Variants in IFNLR1 observed in about 807,000 individuals in gnomAD.
IFNLR1 encodes the protein interferon lambda receptor 1.
In IFNLR1, 28 loss-of-function variants were observed where a neutral mutation model predicts 52.5. That is an observed-to-expected ratio of 0.53 (90% CI 0.40 to 0.73). IFNLR1 has a LOEUF of 0.73. Ranked by LOEUF, IFNLR1 falls within the 30% of genes least tolerant of loss-of-function variation. The probability of loss-of-function intolerance (pLI) is 0.00; values close to 1 mark genes in which losing one functional copy is unlikely to be tolerated. For missense variants in IFNLR1, 623 were observed against 659.1 expected, an observed-to-expected ratio of 0.95 and a Z score of 0.60; for synonymous variants, 276 against 274.9, an observed-to-expected ratio of 1.00 and a Z score of -0.04.
At chr1:24,172,295 G>T (rs1329661603) in intron 2 of IFNLR1, among the ~76,000 whole-genome samples, 2 of 152,068 alleles carry the variant, frequency 1.3e-5, no homozygotes, top group East Asian at 3.8e-4. Flanking sequence ...AATAAGCTAA[G>T]CAATAAATGA....
In IFNLR1 at chr1:24,161,608, G is replaced by A; in HGVS notation, c.444C>T (p.Pro148=). ...ILSANATYQL[P]PCMPPLDLKY... ...TCAGATCCAGTGGGGGCATGCAGGGGGGCAGCTGGTACGTGGCATTGGCAC... is the reference window on the plus strand; with the variant it reads ...TCAGATCCAGTGGGGGCATGCAGGGAGGCAGCTGGTACGTGGCATTGGCAC... The change falls in exon 4 of 7, where the codon CCC becomes CCT. Residue 148 remains proline (P), a synonymous_variant. Coordinates refer to ENST00000327535, the MANE Select transcript of IFNLR1 (RefSeq NM_170743.4). 1 of 1,554,026 alleles carries A rather than the reference G, an allele frequency of 6.4e-7. No individual in the cohort carries two copies. Among genetic ancestry groups the A allele is most frequent in the Non-Finnish European group, 8.7e-7 (1 of 1,147,702 alleles).
intron 4 of IFNLR1, among the ~76,000 whole-genome samples, chr1:24,160,504 T>G (rs1223608774): frequency 1.3e-5 from 2 of 152,222 alleles, no homozygotes; most frequent in African/African-American, 4.8e-5. Flanking sequence ...CACTTAAAAC[T>G]GCACATGTGG....
intron 3 of IFNLR1, 53 bp downstream of exon 3, chr1:24,169,364 G>C: frequency 6.6e-7 from 1 of 1,523,658 alleles, no homozygotes; most frequent in South Asian, 1.2e-5. Context: ...ACTGAGCACA[G>C]CTCCCCGATG....
rs1009916531 is a variant in IFNLR1, at chr1:24,155,027, A to G, written c.*2103T>C. 6.6e-6 allele frequency: 1 copy of G among 152,262 alleles called. No individual in the cohort carries two copies. Among genetic ancestry groups the G allele is most frequent in the African/African-American group, 2.4e-5 (1 of 41,462 alleles). 9.4% of individuals were successfully genotyped at this position (152,262 alleles called of 1,614,324 possible). On this transcript the variant is annotated 3_prime_UTR_variant, in exon 7 of 7. Coordinates refer to ENST00000327535, the MANE Select transcript of IFNLR1 (RefSeq NM_170743.4). ...TTTTTTGAAGTTACCTCCACGAAGCAGCTCGGCTGGTGCCAGAGAGAACAT... is the reference window on the plus strand; with the variant it reads ...TTTTTTGAAGTTACCTCCACGAAGCGGCTCGGCTGGTGCCAGAGAGAACAT...
intron 1 of IFNLR1, among the ~76,000 whole-genome samples, chr1:24,181,897 C>T (rs984913862): frequency 2.0e-5 from 3 of 152,114 alleles, no homozygotes; most frequent in African/African-American, 7.2e-5. Flanking sequence ...GGCTGTCCGC[C>T]AGGTAAGAAG....
chr1:24,170,510 G>A (rs12128905), intron 2 of IFNLR1, among the ~76,000 whole-genome samples: 45,841 of 151,976 alleles, frequency 0.3, 7,548 homozygotes, highest in Middle Eastern at 0.46. Context: ...ACAGGCCAGC[G>A]TAACCACACC....
At chr1:24,182,902 C>G (rs978750183) in intron 1 of IFNLR1, among the ~76,000 whole-genome samples, 6 of 149,074 alleles carry the variant, frequency 4.0e-5, no homozygotes, top group Non-Finnish European at 9.0e-5. Context: ...CCTGGTGACA[C>G]AGTGAGACTC....
At chr1:24,168,221 C>T (rs1382151782) in intron 3 of IFNLR1, among the ~76,000 whole-genome samples, 2 of 152,110 alleles carry the variant, frequency 1.3e-5, no homozygotes, top group Non-Finnish European at 2.9e-5. Flanking sequence ...CTTCTTTTAT[C>T]CATCCACCGA....
intron 4 of IFNLR1, among the ~76,000 whole-genome samples, chr1:24,160,745 T>A (rs1005014681): frequency 6.6e-6 from 1 of 152,204 alleles, no homozygotes; most frequent in Admixed American, 6.5e-5. Context: ...TTTGTTTTTT[T>A]TGAGACAAGG....
At chr1:24,181,123 G>T (rs914873182) in intron 1 of IFNLR1, among the ~76,000 whole-genome samples, 1 of 152,188 alleles carries the variant, frequency 6.6e-6, no homozygotes, top group Non-Finnish European at 1.5e-5. Flanking sequence ...GCATCCTTGA[G>T]GATATCAAGG....
intron 1 of IFNLR1, among the ~76,000 whole-genome samples, chr1:24,184,480 G>A (rs2148605073): frequency 6.6e-6 from 1 of 152,206 alleles, no homozygotes; most frequent in East Asian, 1.9e-4. Context: ...GGCCTGGCCT[G>A]GCCTGGCCAG....
intron 2 of IFNLR1, among the ~76,000 whole-genome samples, chr1:24,170,878 T>G (rs1644571993): frequency 6.6e-6 from 1 of 152,122 alleles, no homozygotes; most frequent in Admixed American, 6.5e-5. Flanking sequence ...CAAGGATGAA[T>G]GGAGAAGGCT....
Position 24,169,482 on chromosome 1 carries a change from C to T in IFNLR1, c.302G>A (p.Arg101Gln), listed in dbSNP as rs199653713. ...GGACTTGGAGCTGGGAGAAACCGTC[C>T]GCACGCGTCCCTTGAACTTGTTGTA... Reference protein sequence around the residue: ...DLYNKFKGRVRTVSPSSKSPW... With the variant: ...DLYNKFKGRVQTVSPSSKSPW... The change falls in exon 3 of 7, where the codon CGG becomes CAG. Residue 101 changes from arginine to glutamine, a missense_variant. Transcript: ENST00000327535. The T allele has an allele frequency of 1.6e-4, 257 of 1,614,072 alleles. 1 individual carries two copies. Among genetic ancestry groups the T allele is most frequent in the Non-Finnish European group, 2.1e-4 (245 of 1,180,040 alleles).
At chr1:24,179,131 T>C (rs939792157) in intron 2 of IFNLR1, among the ~76,000 whole-genome samples, 1 of 149,518 alleles carries the variant, frequency 6.7e-6, no homozygotes, top group Admixed American at 6.6e-5. Context: ...TTTTTTTTTG[T>C]AGAGACAGGG....
In IFNLR1 at chr1:24,169,613, G is replaced by T. The variant is rs1340577689; in HGVS notation, c.183-12C>A. 3 of 1,610,008 alleles carry T rather than the reference G, an allele frequency of 1.9e-6. No individual in the cohort carries two copies. The highest frequency in any genetic ancestry group is 1.3e-5 in the African/African-American group (1 of 74,830). ...TACGGGTGGGAGAGCTGGGGGAGGA[G>T]AGAGGAGAGCTTGGGCCATGGACTC... On this transcript the variant is annotated splice_polypyrimidine_tract_variant and intron_variant, in intron 2 of 6. Coordinates refer to ENST00000327535, the MANE Select transcript of IFNLR1 (RefSeq NM_170743.4).
rs1198444213 is a variant in IFNLR1, at chr1:24,159,033, A to AC, written c.801+18dup. 2.5e-6 allele frequency: 4 copies of AC among 1,610,140 alleles called. No individual in the cohort carries two copies. The highest frequency in any genetic ancestry group is 2.7e-5 in the African/African-American group (2 of 74,628). ...CTCAACCCCTCCCCACCTGCTGCAC[A>AC]CCCCCAGATTTGCTATACCAGGGCC... On this transcript the variant is annotated intron_variant, in intron 6 of 6. Transcript: ENST00000327535.
intron 2 of IFNLR1, 37 bp downstream of exon 2, chr1:24,180,694 A>ACTG: frequency 1.6e-6 from 1 of 624,592 alleles, no homozygotes; most frequent in Non-Finnish European, 2.3e-6. Flanking sequence ...CCACCCCCTC[A>ACTG]GTCTTCCCAT....
At chr1:24,171,294 T>C (rs559812542) in intron 2 of IFNLR1, among the ~76,000 whole-genome samples, 1 of 152,334 alleles carries the variant, frequency 6.6e-6, no homozygotes, top group African/African-American at 2.4e-5. Context: ...GTTATCAAGT[T>C]GGTCTAATGA....
intron 3 of IFNLR1, among the ~76,000 whole-genome samples, chr1:24,167,138 C>T (rs1644528250): frequency 6.6e-6 from 1 of 152,212 alleles, no homozygotes; most frequent in Non-Finnish European, 1.5e-5. Context: ...TTCTCCTGTC[C>T]TTGGACGTTG....
Sources: allele counts gnomAD v4.1 joint callset (sites outside exome capture counted in the v4.1 genomes callset), GRCh38; gene constraint gnomAD v4.1.1; transcripts MANE v1.5; gene names NCBI Gene and HGNC (gene_info 2026-07-23, HGNC 2026-07-21).